The following NCOR2 variants were observed in gnomAD, a reference collection of about 807,000 sequenced individuals.
NCOR2 encodes the protein nuclear receptor corepressor 2.
In NCOR2, 81 loss-of-function variants were observed where a neutral mutation model predicts 262.9. The observed-to-expected ratio is 0.31, with a 90% CI of 0.26 to 0.37. NCOR2 has a LOEUF of 0.37. Ranked by LOEUF, NCOR2 falls within the 10% of genes least tolerant of loss-of-function variation. The probability of loss-of-function intolerance (pLI) is 1.00; values close to 1 mark genes in which losing one functional copy is unlikely to be tolerated. For synonymous variants in NCOR2, 1,659 were observed against 1,559.3 expected (o/e 1.06, Z -1.51); for missense variants, 3,385 against 3,621.4 (o/e 0.93, Z 1.68).
In NCOR2 at chr12:124,327,656, C is replaced by CA. The variant is rs770018168; in HGVS notation, c.6959-24dup. ...GGCCTGGGAGAGAGAGACAGACAGA[C>CA]AGACAGACACATGGGGGCCGGGGAG... On this transcript the variant is annotated intron_variant, in intron 44 of 46. Transcript: ENST00000405201. 5 of 1,570,522 alleles carry CA rather than the reference C, an allele frequency of 3.2e-6. No individual in the cohort carries two copies. In the African/African-American group the frequency reaches 6.9e-5, roughly 22 times the overall value.
intron 8 of NCOR2, among the ~76,000 whole-genome samples, chr12:124,437,412 T>C (rs1227306698): frequency 6.6e-6 from 1 of 152,174 alleles, no homozygotes; most frequent in East Asian, 1.9e-4. Context: ...TCAGCATCCT[T>C]TTCTGTTTGG....
chr12:124,341,798 G>A (rs747936405), intron 34 of NCOR2, 25 bp downstream of exon 36: 77 of 1,581,960 alleles, frequency 4.9e-5, no homozygotes, highest in Middle Eastern at 1.7e-4. Flanking sequence ...CAAACCCAGC[G>A]GAGGTGGTCT....
At chr12:124,459,327 G>GCC (rs1265561622) in intron 5 of NCOR2, among the ~76,000 whole-genome samples, 1 of 152,076 alleles carries the variant, frequency 6.6e-6, no homozygotes, top group African/African-American at 2.4e-5. Flanking sequence ...GCCACAGGGA[G>GCC]CCCCACCTCC....
chr12:124,488,112 A>T (rs2047877985), intron 1 of NCOR2, among the ~76,000 whole-genome samples: 1 of 151,682 alleles, frequency 6.6e-6, no homozygotes, highest in Admixed American at 6.6e-5. Context: ...AAATCTAGTC[A>T]CTCTTTTGTT....
intron 1 of NCOR2, among the ~76,000 whole-genome samples, chr12:124,519,813 C>T (rs144022725): frequency 9.8e-5 from 15 of 152,292 alleles, no homozygotes; most frequent in African/African-American, 2.9e-4. Flanking sequence ...CTCACACCAC[C>T]GCGGCATAGG....
intron 1 of NCOR2, among the ~76,000 whole-genome samples, chr12:124,547,229 G>A (rs2051571389): frequency 6.6e-6 from 1 of 151,802 alleles, no homozygotes; most frequent in African/African-American, 2.4e-5. Flanking sequence ...CTGGCCTCAA[G>A]AGATCCACCC....
upstream of NCOR2, among the ~76,000 whole-genome samples, chr12:124,496,946 AC>A (rs1242470353): frequency 2.6e-5 from 4 of 152,342 alleles, no homozygotes; most frequent in Middle Eastern, 3.4e-3. The surrounding 1 kb of genome is among the most constrained non-coding windows in gnomAD (Gnocchi z 4.4). Flanking sequence ...TCTGGGGGCC[AC>A]CATGCAGCAG....
intron 7 of NCOR2, among the ~76,000 whole-genome samples, chr12:124,438,559 C>G (rs11832970): frequency 0.42 from 63,321 of 151,214 alleles, 13,612 homozygotes; most frequent in African/African-American, 0.5. Context: ...AACCCCCGGG[C>G]GGGGGCGGTC....
intron 44 of NCOR2, among the ~76,000 whole-genome samples, chr12:124,329,412 G>A (rs1199554928): frequency 6.6e-6 from 1 of 152,158 alleles, no homozygotes; most frequent in East Asian, 1.9e-4. Flanking sequence ...AGTGAGCCAA[G>A]ATTGCACCAC....
chr12:124,403,294 G>A (rs2042082238), intron 13 of NCOR2, among the ~76,000 whole-genome samples: 1 of 152,174 alleles, frequency 6.6e-6, no homozygotes. Flanking sequence ...ACCCCAGGGG[G>A]ACAGAACAAG....
intron 3 of NCOR2, 28 bp from the exon 6 acceptor site, chr12:124,473,159 G>A: frequency 6.2e-7 from 1 of 1,612,202 alleles, no homozygotes; most frequent in Non-Finnish European, 8.5e-7. Flanking sequence ...CGGGCATGGG[G>A]TCAGCACAGG....
intron 1 of NCOR2, chr12:124,562,120 T>C (rs1056340646): frequency 1.3e-5 from 2 of 152,178 alleles, no homozygotes; most frequent in Non-Finnish European, 2.9e-5. Flanking sequence ...CCCAACCCTG[T>C]GCCCTCGGGT....
intron 30 of NCOR2, 41 bp from the exon 33 acceptor site, chr12:124,346,891 C>T (rs770117973): frequency 1.2e-5 from 18 of 1,466,802 alleles, no homozygotes; most frequent in Non-Finnish European, 1.5e-5. Flanking sequence ...CCCGCCCCAC[C>T]CAGACCCATC....
intron 1 of NCOR2, among the ~76,000 whole-genome samples, chr12:124,565,565 G>A (rs1006300788): frequency 2.1e-5 from 2 of 96,974 alleles, no homozygotes; most frequent in African/African-American, 3.9e-5. Context: ...TCCACCCCCA[G>A]CCAAAGGTAA....
Position 124,327,609 on chromosome 12 carries a change from G to T in NCOR2, c.6983C>A (p.Ala2328Glu), listed in dbSNP as rs750726938. The change falls in exon 45 of 47, where the codon GCG becomes GAG. Residue 2328 changes from alanine (A) to glutamate (E), a missense_variant. Physicochemically the swap from Ala to Glu is moderately radical, Grantham distance 107. Around this residue, in one of 5 missense-constraint regions of NCOR2, gnomAD observed 1,017 missense variants for 967.2 expected, o/e 1.05. Coordinates refer to ENST00000405201, the Ensembl canonical transcript of NCOR2. ...GTTGGTGCTGGCATGTTCCTGCACC[G>T]CCTGGCTTCTATAGGTCATAAGGCC... The T allele has an allele frequency of 1.3e-5, 21 of 1,611,092 alleles. No individual in the cohort carries two copies. The South Asian group carries it at 1.5e-4, about 12-fold the overall frequency.
intron 3 of NCOR2, among the ~76,000 whole-genome samples, chr12:124,476,894 A>G (rs887742168): frequency 5.7e-5 from 6 of 105,848 alleles, no homozygotes; most frequent in Non-Finnish European, 1.3e-4. Context: ...GCAAGACCCC[A>G]TCTTTATTAA....
chr12:124,373,185 T>C (rs1030615401), intron 19 of NCOR2, among the ~76,000 whole-genome samples: 1 of 152,252 alleles, frequency 6.6e-6, no homozygotes, highest in Non-Finnish European at 1.5e-5. Flanking sequence ...CATGACAGTG[T>C]AGAATGCGCT....
At chr12:124,435,921 T>G (rs2044308514) in intron 8 of NCOR2, among the ~76,000 whole-genome samples, 1 of 152,212 alleles carries the variant, frequency 6.6e-6, no homozygotes, top group Non-Finnish European at 1.5e-5. Flanking sequence ...CTGAAACATG[T>G]GGCTGACCAA....
exon 39 of NCOR2, chr12:124,335,509 T>C: frequency 3.7e-6 from 6 of 1,607,894 alleles, no homozygotes; most frequent in Non-Finnish European, 5.1e-6. Flanking sequence ...CAGCTCCCCC[T>C]CCAGGTGGCT....
Sources: allele counts gnomAD v4.1 joint callset (sites outside exome capture counted in the v4.1 genomes callset), GRCh38; gene constraint gnomAD v4.1.1; regional missense constraint gnomAD v4.1.1; non-coding constraint Gnocchi (gnomAD v3.1); transcripts MANE v1.5; gene names NCBI Gene and HGNC (gene_info 2026-07-23, HGNC 2026-07-21).